DIPK1B: variants seen among roughly 807,000 people sequenced by gnomAD.
DIPK1B encodes divergent protein kinase domain 1B.
DIPK1B carries 17 observed loss-of-function variants against 20.7 expected under a neutral mutation model. The observed-to-expected ratio is 0.82, with a 90% CI of 0.56 to 1.23. The LOEUF is 1.23. Ranked by LOEUF, DIPK1B falls within the 50% of genes most tolerant of loss-of-function variation. DIPK1B has a pLI of 0.00. For missense variants in DIPK1B, 648 were observed against 601.8 expected, an observed-to-expected ratio of 1.08 and a Z score of -0.80; for synonymous variants, 343 against 276.5, an observed-to-expected ratio of 1.24 and a Z score of -2.39.
intron 2 of DIPK1B, among the ~76,000 whole-genome samples, chr9:136,720,227 TGAC>T (rs1267004720): frequency 2.6e-5 from 4 of 152,124 alleles, no homozygotes; most frequent in African/African-American, 9.7e-5. Flanking sequence ...TTTTCTGTCT[TGAC>T]GAAGAGCCGG....
Position 136,723,675 on chromosome 9 carries a change from G to A in DIPK1B, c.1197G>A (p.Leu399=). 1 of 1,546,078 alleles carries A rather than the reference G, an allele frequency of 6.5e-7. No homozygotes were observed. The highest frequency in any genetic ancestry group is 8.7e-7 in the Non-Finnish European group (1 of 1,149,454). The change falls in exon 5 of 5, where the codon CTG becomes CTA. Residue 399 remains leucine, a synonymous_variant. Coordinates refer to ENST00000371692, the MANE Select transcript of DIPK1B (RefSeq NM_152421.4). ...CACAGCTGCGCACCTGTACCACGCT[G>A]AGCGGGCTGGCCAGCCAGGTGGAGG... is the stretch of plus-strand genomic sequence containing the variant. ...LGTQLRTCTT[L]SGLASQVEAH...
At chr9:136,722,104 G>T (rs953357709) in intron 3 of DIPK1B, 21 bp from the exon 4 acceptor site, 23 of 1,613,666 alleles carry the variant, frequency 1.4e-5, no homozygotes, top group Non-Finnish European at 1.9e-5. Flanking sequence ...CTGCACGGAG[G>T]ACCTCTGTGG....
At chr9:136,718,967 C>T (rs750814040) in intron 2 of DIPK1B, among the ~76,000 whole-genome samples, 2 of 152,068 alleles carry the variant, frequency 1.3e-5, no homozygotes, top group Admixed American at 6.5e-5. Context: ...GGCCCCTGGA[C>T]CAGGCCTTGC....
At chr9:136,720,081 G>T (rs995556180) in intron 2 of DIPK1B, among the ~76,000 whole-genome samples, 18 of 151,544 alleles carry the variant, frequency 1.2e-4, no homozygotes, top group Admixed American at 2.6e-4. Context: ...CTGGGGTTCC[G>T]GGTGCAGGGG....
chr9:136,717,561 G>T lies in DIPK1B; in HGVS notation c.64-16G>T. 6.3e-7 allele frequency: 1 copy of T among 1,596,132 alleles called. No homozygotes were observed. Among genetic ancestry groups the T allele is most frequent in the Non-Finnish European group, 8.5e-7 (1 of 1,178,558 alleles). ...TGCCCCGAGGGCACCTCCTCACGCAGCCCCTTCCCCCACAGGGCCGGCTCC... is the reference window on the plus strand; with the variant it reads ...TGCCCCGAGGGCACCTCCTCACGCATCCCCTTCCCCCACAGGGCCGGCTCC... On this transcript the variant is annotated splice_polypyrimidine_tract_variant and intron_variant, in intron 1 of 4. Transcript: ENST00000371692.
intron 2 of DIPK1B, chr9:136,721,238 C>T (rs1032547772): frequency 1.3e-5 from 2 of 152,454 alleles, no homozygotes; most frequent in African/African-American, 4.8e-5. Flanking sequence ...CCATCCATCG[C>T]TCTGGCACCA....
intron 1 of DIPK1B, among the ~76,000 whole-genome samples, chr9:136,714,075 G>A (rs543444014): frequency 5.9e-5 from 9 of 152,304 alleles, no homozygotes; most frequent in African/African-American, 2.2e-4. Context: ...TGCCAGGCCC[G>A]GGAGCCAGGG....
At chr9:136,718,225 G>A (rs1846532756) in intron 2 of DIPK1B, among the ~76,000 whole-genome samples, 2 of 34,832 alleles carry the variant, frequency 5.7e-5, no homozygotes, top group Admixed American at 2.6e-4. Context: ...ACCACTGTGT[G>A]CTGGCCTCAC....
At position 136,723,603 on chromosome 9, in the gene DIPK1B, C is replaced by A. The variant is rs776789153; in HGVS notation, c.1125C>A (p.Gly375=). ...NLAKVCALLR[G]YLLPGAPADL... ...CCAAGGTGTGCGCACTGCTACGGGGCTACCTGCTGCCTGGCGCGCCCGCCG... is the reference window on the plus strand; with the variant it reads ...CCAAGGTGTGCGCACTGCTACGGGGATACCTGCTGCCTGGCGCGCCCGCCG... Residue 375 remains glycine (G), a synonymous_variant, in exon 5 of 5, where the codon GGC becomes GGA. Coordinates refer to ENST00000371692, the MANE Select transcript of DIPK1B (RefSeq NM_152421.4). 52 of 1,590,362 alleles carry A rather than the reference C, an allele frequency of 3.3e-5. No individual in the cohort carries two copies. The highest frequency in any genetic ancestry group is 4.3e-5 in the Non-Finnish European group (50 of 1,169,678).
At chr9:136,716,160 G>A (rs142229881) in intron 1 of DIPK1B, among the ~76,000 whole-genome samples, 88 of 152,086 alleles carry the variant, frequency 5.8e-4, no homozygotes, top group African/African-American at 1.8e-3. Context: ...CAGTCACTCC[G>A]CAGTGTGGAT....
intron 2 of DIPK1B, among the ~76,000 whole-genome samples, chr9:136,720,700 T>G (rs1846585425): frequency 6.6e-6 from 1 of 151,896 alleles, no homozygotes; most frequent in African/African-American, 2.4e-5. Context: ...GCCCCAGGGG[T>G]CCGTTTTCTC....
intron 4 of DIPK1B, 59 bp downstream of exon 4, chr9:136,722,360 AGGCGGCCCTGGCACCAACATGCCCAGCG>A: frequency 1.9e-6 from 3 of 1,550,802 alleles, no homozygotes; most frequent in South Asian, 2.4e-5. Context: ...TATGCCCAGC[AGGCGGCCCTGGCACCAACATGCCCAGCG>A]CAAAGGCACA....
chr9:136,719,970 CGGGTGCAGGGGCTGGTCTGGGGCTCT>C (rs1465559961), intron 2 of DIPK1B, among the ~76,000 whole-genome samples: 23 of 78,626 alleles, frequency 2.9e-4, no homozygotes, highest in Admixed American at 2.2e-3. Flanking sequence ...GCTGGGGCTC[CGGGTGCAGGGGCTGGTCTGGGGCTCT>C]GGGTTCAGGG....
intron 2 of DIPK1B, 110 bp downstream of exon 2, chr9:136,717,821 G>T: frequency 6.6e-7 from 1 of 1,512,674 alleles, no homozygotes; most frequent in Non-Finnish European, 8.9e-7. Flanking sequence ...GGCCCACGAG[G>T]CACGTGGGTT....
chr9:136,722,407 C>A, intron 4 of DIPK1B, 106 bp downstream of exon 4: 2 of 1,270,248 alleles, frequency 1.6e-6, no homozygotes, highest in Non-Finnish European at 2.2e-6. Context: ...CAGATGGGCC[C>A]AAGTGGACCC....
chr9:136,714,382 A>G (rs1320968317), intron 1 of DIPK1B, among the ~76,000 whole-genome samples: 3 of 152,214 alleles, frequency 2.0e-5, no homozygotes, highest in Non-Finnish European at 2.9e-5. Context: ...GCCAGGCGGA[A>G]ATAGGCCCTG....
intron 2 of DIPK1B, among the ~76,000 whole-genome samples, chr9:136,718,877 G>A (rs1846544950): frequency 1.3e-5 from 2 of 152,206 alleles, no homozygotes; most frequent in African/African-American, 4.8e-5. Flanking sequence ...GTGGAGGACT[G>A]GGGTGTGGGG....
Position 136,723,301 on chromosome 9 carries a change from G to A in DIPK1B, c.823G>A (p.Ala275Thr), listed in dbSNP as rs753825094. 32 of 1,612,544 alleles carry A rather than the reference G, an allele frequency of 2.0e-5. No homozygotes were observed. Among genetic ancestry groups the A allele is most frequent in the African/African-American group, 2.7e-5 (2 of 74,936 alleles). Residue 275 changes from alanine (A) to threonine (T), a missense_variant, in exon 5 of 5, where the codon GCC becomes ACC. Coordinates refer to ENST00000371692, the MANE Select transcript of DIPK1B (RefSeq NM_152421.4). ...GPAWPWRAKI[A>T]IGLLEFVEEL... ...TGCGTGGCCTTGGCGGGCCAAGATC[G>A]CCATCGGCCTGCTGGAGTTCGTGGA...
At chr9:136,722,346 G>A (rs372431039) in intron 4 of DIPK1B, 45 bp downstream of exon 4, 1 of 1,580,100 alleles carries the variant, frequency 6.3e-7, no homozygotes, top group South Asian at 1.1e-5. Flanking sequence ...CCACACCACG[G>A]TCATATGCCC....
Sources: gnomAD v4.1 joint callset for allele counts (sites outside exome capture counted in the v4.1 genomes callset) on GRCh38, gnomAD v4.1.1 for gene constraint, MANE v1.5 for transcripts, NCBI Gene and HGNC (gene_info 2026-07-23, HGNC 2026-07-21) for gene names.